The following POLDIP2 variants were observed in gnomAD, a reference collection of about 807,000 sequenced individuals.
POLDIP2 encodes polymerase delta-interacting protein 2.
POLDIP2 carries 32 observed loss-of-function variants against 52.9 expected under a neutral mutation model. That is an observed-to-expected ratio of 0.61 (90% CI 0.46 to 0.81). POLDIP2 has a LOEUF of 0.81. Among genes scored for constraint, POLDIP2 ranks in the 40% least tolerant of loss-of-function variants. The probability of loss-of-function intolerance (pLI) is 0.00; values close to 1 mark genes in which losing one functional copy is unlikely to be tolerated. For missense variants in POLDIP2, 371 were observed against 477.3 expected (o/e 0.78, Z 2.07); for synonymous variants, 183 against 183.0 (o/e 1.00, Z 0.00).
At chr17:28,349,301 C>A in intron 9 of POLDIP2, 139 bp from the exon 10 acceptor site, 1 of 606,212 alleles carries the variant, frequency 1.6e-6, no homozygotes. Flanking sequence ...ACTCCCATAG[C>A]ATGATACACT....
intron 7 of POLDIP2, among the ~76,000 whole-genome samples, chr17:28,351,277 T>A (rs1038589631): frequency 2.0e-5 from 3 of 152,206 alleles, no homozygotes; most frequent in African/African-American, 7.2e-5. Flanking sequence ...ATAGCTTCTG[T>A]CTGTGGAGTT....
chr17:28,348,688 G>C (rs1907679759), intron 10 of POLDIP2, among the ~76,000 whole-genome samples: 1 of 152,170 alleles, frequency 6.6e-6, no homozygotes, highest in South Asian at 2.1e-4. Flanking sequence ...CTCCAGCCTG[G>C]GCAATAAGTG....
In POLDIP2 at chr17:28,351,707, T is replaced by C; in HGVS notation, c.716A>G (p.Glu239Gly). The change falls in exon 7 of 11, where the codon GAG (glutamate) becomes GGG (glycine). Residue 239 changes from glutamate (E) to glycine (G), a missense_variant. By Grantham distance (98) the Glu-to-Gly change is moderately conservative (BLOSUM62 -2). Coordinates refer to ENST00000540200, the MANE Select transcript of POLDIP2 (RefSeq NM_015584.5). ...GGGGATGACAGTGACACGTATGTTCTCAGTTGTTTCCCGATGAACATCGGA... is the reference window on the plus strand; with the variant it reads ...GGGGATGACAGTGACACGTATGTTCCCAGTTGTTTCCCGATGAACATCGGA... ...ELSDVHRETT[E>G]NIRVTVIPFY... 1 of 1,613,926 alleles carries C rather than the reference T, an allele frequency of 6.2e-7. No homozygotes were observed. The highest frequency in any genetic ancestry group is 8.5e-7 in the Non-Finnish European group (1 of 1,179,804).
intron 3 of POLDIP2, 108 bp from the exon 4 acceptor site, chr17:28,353,899 G>C (rs1258520294): frequency 5.3e-6 from 4 of 759,488 alleles, no homozygotes; most frequent in South Asian, 4.3e-5. Flanking sequence ...CTGATCTAAA[G>C]GGGCTTTAGC....
Position 28,347,115 on chromosome 17 carries a change from G to GT in POLDIP2, c.*1001dup, listed in dbSNP as rs1325225797. ...TCTGACCTTGTGTTCTAGCCAGGTC[G>GT]TAAGCGCGACTGTACTGTTGCCCTG... On this transcript the variant is annotated 3_prime_UTR_variant, in exon 11 of 11. Transcript: ENST00000540200. The GT allele has an allele frequency of 8.3e-6, 1 of 120,156 alleles. No individual in the cohort carries two copies. The highest frequency in any genetic ancestry group is 1.7e-5 in the Non-Finnish European group (1 of 57,594). 7.4% of individuals were successfully genotyped at this position (120,156 alleles called of 1,614,324 possible).
intron 9 of POLDIP2, among the ~76,000 whole-genome samples, chr17:28,350,174 C>CA (rs1490542316): frequency 6.6e-6 from 1 of 152,170 alleles, no homozygotes; most frequent in African/African-American, 2.4e-5. Context: ...ACTTCAGACT[C>CA]ACTTGGGTTT....
intron 6 of POLDIP2, among the ~76,000 whole-genome samples, chr17:28,352,132 G>A (rs1389040537): frequency 1.3e-5 from 2 of 151,484 alleles, no homozygotes; most frequent in East Asian, 3.9e-4. Flanking sequence ...ATATCTGTAA[G>A]GAAATAACTG....
In POLDIP2 at chr17:28,351,817, T is replaced by C. The variant is rs1907805707; in HGVS notation, c.623-17A>G. The C allele has an allele frequency of 1.2e-6, 2 of 1,611,264 alleles. No individual in the cohort carries two copies. The highest frequency in any genetic ancestry group is 1.1e-5 in the South Asian group (1 of 90,998). On this transcript the variant is annotated splice_polypyrimidine_tract_variant and intron_variant, in intron 6 of 10. Coordinates refer to ENST00000540200, the MANE Select transcript of POLDIP2 (RefSeq NM_015584.5). ...AAGGAGGTGCTGGGGCAAGATACAA[T>C]TGGTTAGTCCAATTGTGTGTTGTGG...
chr17:28,351,910 AGTG>A, intron 6 of POLDIP2, 110 bp from the exon 7 acceptor site: 2 of 1,010,832 alleles, frequency 2.0e-6, no homozygotes, highest in Non-Finnish European at 3.1e-6. Context: ...AACCCTCCCT[AGTG>A]GTGGCCCAGG....
chr17:28,353,074 G>A (rs1907870837), intron 5 of POLDIP2, 55 bp from the exon 6 acceptor site: 1 of 790,820 alleles, frequency 1.3e-6, no homozygotes, highest in Non-Finnish European at 2.3e-6. Context: ...GAGAGAGATG[G>A]GGTTGAGAAG....
At chr17:28,352,779 T>A (rs1324376048) in intron 6 of POLDIP2, 133 bp downstream of exon 6, 1 of 608,658 alleles carries the variant, frequency 1.6e-6, no homozygotes, top group African/African-American at 1.9e-5. Flanking sequence ...CCTCAGATGA[T>A]CCACCTGCCT....
intron 4 of POLDIP2, 65 bp from the exon 5 acceptor site, chr17:28,353,381 G>A (rs1463534675): frequency 1.6e-5 from 14 of 864,632 alleles, no homozygotes; most frequent in Non-Finnish European, 2.5e-5. Context: ...AATTAGGCTG[G>A]TGTGGTGGCA....
At position 28,347,213 on chromosome 17, in the gene POLDIP2, A is replaced by G. The variant is rs1555579137; in HGVS notation, c.*904T>C. On this transcript the variant is annotated 3_prime_UTR_variant, in exon 11 of 11. Coordinates refer to ENST00000540200, the MANE Select transcript of POLDIP2 (RefSeq NM_015584.5). ...GGAACTGTGATTTAATATTAATTCA[A>G]GAAAACTACCTCTAACAATCACTGC... The G allele has an allele frequency of 6.6e-6, 1 of 152,260 alleles. No individual in the cohort carries two copies. The highest frequency in any genetic ancestry group is 1.5e-5 in the Non-Finnish European group (1 of 68,056). The allele number at this position is 152,260 out of a possible 1,614,324, so 9.4% of individuals were successfully genotyped here. A position where few individuals can be genotyped will look rare whatever the true frequency, so the allele number is the denominator to read the frequency against.
At chr17:28,353,170 C>T (rs368616061) in intron 5 of POLDIP2, 71 bp downstream of exon 5, 1 of 807,850 alleles carries the variant, frequency 1.2e-6, no homozygotes, top group Non-Finnish European at 2.2e-6. Flanking sequence ...GATGACAGGA[C>T]ATCAGAATCC....
intron 2 of POLDIP2, 36 bp from the exon 3 acceptor site, chr17:28,354,621 C>A: frequency 7.2e-7 from 1 of 1,394,354 alleles, no homozygotes; most frequent in South Asian, 1.2e-5. Context: ...AGTCTGCAGT[C>A]CAGCAAATCC....
intron 3 of POLDIP2, 24 bp downstream of exon 3, chr17:28,354,464 A>T: frequency 6.7e-7 from 1 of 1,484,108 alleles, no homozygotes; most frequent in Non-Finnish European, 9.2e-7. Flanking sequence ...GGATACTGTG[A>T]GGCACAACCA....
chr17:28,353,199 G>T, intron 5 of POLDIP2, 42 bp downstream of exon 5: 1 of 974,196 alleles, frequency 1.0e-6, no homozygotes, highest in Non-Finnish European at 1.6e-6. Flanking sequence ...AGACACACCA[G>T]ACTCCTTCTT....
intron 6 of POLDIP2, among the ~76,000 whole-genome samples, chr17:28,352,073 C>T (rs1330170110): frequency 3.3e-5 from 5 of 152,064 alleles, no homozygotes; most frequent in African/African-American, 1.2e-4. Context: ...CCTCACTCTG[C>T]TACTAGCAAC....
At chr17:28,349,959 G>A (rs1460633715) in intron 9 of POLDIP2, among the ~76,000 whole-genome samples, 1 of 152,156 alleles carries the variant, frequency 6.6e-6, no homozygotes. Context: ...AGTACTGCTT[G>A]TGACTTTATT....
Sources: allele counts gnomAD v4.1 joint callset (sites outside exome capture counted in the v4.1 genomes callset), GRCh38; gene constraint gnomAD v4.1.1; transcripts MANE v1.5; gene names NCBI Gene and HGNC (gene_info 2026-07-23, HGNC 2026-07-21).